Variants in GPR137C observed in about 807,000 individuals in gnomAD.
The protein encoded by GPR137C is G protein-coupled receptor 137C.
A neutral mutation model predicts 43.4 loss-of-function variants in GPR137C; 27 were observed. That is an observed-to-expected ratio of 0.62 (90% CI 0.46 to 0.86). The LOEUF is 0.86. Ranked by LOEUF, GPR137C falls within the 40% of genes least tolerant of loss-of-function variation. The pLI is 0.00. For missense variants in GPR137C, 522 were observed against 534.6 expected, an observed-to-expected ratio of 0.98 and a Z score of 0.23; for synonymous variants, 285 against 226.9, an observed-to-expected ratio of 1.26 and a Z score of -2.30.
intron 1 of GPR137C, among the ~76,000 whole-genome samples, chr14:52,589,530 C>A (rs2038755414): frequency 6.6e-6 from 1 of 152,122 alleles, no homozygotes; most frequent in African/African-American, 2.4e-5. Context: ...CTGTAATAAT[C>A]CACTGTGATA....
At chr14:52,623,741 C>T (rs1001326606) in intron 3 of GPR137C, among the ~76,000 whole-genome samples, 2 of 152,014 alleles carry the variant, frequency 1.3e-5, no homozygotes, top group African/African-American at 4.8e-5. Flanking sequence ...TTCCTCTCTT[C>T]ATTGAGTCAG....
At chr14:52,557,388 A>G (rs1397529638) in intron 1 of GPR137C, among the ~76,000 whole-genome samples, 2 of 152,220 alleles carry the variant, frequency 1.3e-5, no homozygotes, top group Non-Finnish European at 2.9e-5. Flanking sequence ...GAAACTTTTT[A>G]TATCATGGCA....
In GPR137C at chr14:52,637,324, C is replaced by T. The variant is rs1197963985; in HGVS notation, c.*2209C>T. On this transcript the variant is annotated 3_prime_UTR_variant, in exon 7 of 7. Coordinates refer to ENST00000321662, the MANE Select transcript of GPR137C (RefSeq NM_001099652.2). The stretch of plus-strand genomic sequence containing the variant: ...GTTGTTTATAAAATCAAAGGGCTAC[C>T]GATTCCCTGTTCATCCTGCACTGAA... The T allele has an allele frequency of 1.3e-5, 2 of 152,084 alleles. No homozygotes were observed. Among genetic ancestry groups the T allele is most frequent in the Admixed American group, 6.6e-5 (1 of 15,254 alleles). The allele number at this position is 152,084 out of a possible 1,614,324, so 9.4% of individuals were successfully genotyped here.
intron 1 of GPR137C, among the ~76,000 whole-genome samples, chr14:52,573,619 C>T (rs565928737): frequency 1.1e-3 from 167 of 152,164 alleles, no homozygotes; most frequent in African/African-American, 3.8e-3. Context: ...CCATAAAAAC[C>T]CAAGAAGAAA....
chr14:52,629,559 A>G (rs1453049891), intron 3 of GPR137C, among the ~76,000 whole-genome samples: 1 of 152,226 alleles, frequency 6.6e-6, no homozygotes, highest in East Asian at 1.9e-4. Flanking sequence ...TGAATCTCAG[A>G]AACATTCTGC....
intron 3 of GPR137C, among the ~76,000 whole-genome samples, chr14:52,606,750 T>A (rs1258348585): frequency 6.6e-6 from 1 of 152,218 alleles, no homozygotes; most frequent in Non-Finnish European, 1.5e-5. Context: ...AAACTTTTTG[T>A]TTTGTTCCTC....
chr14:52,629,893 C>T (rs542892069), intron 3 of GPR137C, among the ~76,000 whole-genome samples: 2 of 152,208 alleles, frequency 1.3e-5, no homozygotes, highest in African/African-American at 4.8e-5. Context: ...AGGTGTAACT[C>T]TTTTTCACTT....
chr14:52,557,589 C>CT, intron 1 of GPR137C, among the ~76,000 whole-genome samples: 1 of 152,290 alleles, frequency 6.6e-6, no homozygotes, highest in Non-Finnish European at 1.5e-5. Flanking sequence ...AATTTTTTCA[C>CT]TATCTTGATC....
intron 1 of GPR137C, among the ~76,000 whole-genome samples, chr14:52,571,348 G>T (rs141020706): frequency 4.9e-4 from 75 of 152,268 alleles, no homozygotes; most frequent in Non-Finnish European, 7.5e-4. Context: ...TGTTTAGAGG[G>T]AAATTTATAG....
chr14:52,613,581 C>T (rs2139555021), intron 3 of GPR137C: 1 of 174,134 alleles, frequency 5.7e-6, no homozygotes, highest in Non-Finnish European at 1.3e-5. Flanking sequence ...TTTTTAGCTC[C>T]AACAAATAAG....
intron 3 of GPR137C, 37 bp from the exon 4 acceptor site, chr14:52,632,123 G>A (rs748982811): frequency 1.3e-6 from 2 of 1,502,574 alleles, no homozygotes; most frequent in Non-Finnish European, 9.2e-7. Context: ...TGACAAATGT[G>A]TAGAATACTA....
intron 4 of GPR137C, among the ~76,000 whole-genome samples, chr14:52,632,616 C>A (rs1053496142): frequency 6.6e-6 from 1 of 151,984 alleles, no homozygotes; most frequent in African/African-American, 2.4e-5. Context: ...TTAAATATTT[C>A]TAGATAAATG....
At chr14:52,608,899 A>G (rs2039009800) in intron 3 of GPR137C, among the ~76,000 whole-genome samples, 1 of 152,124 alleles carries the variant, frequency 6.6e-6, no homozygotes, top group Admixed American at 6.6e-5. Context: ...TATATGTCTT[A>G]GAGTATCTTT....
chr14:52,636,902 GCTAA>G lies in GPR137C; in HGVS notation c.*1790_*1793del, dbSNP rs927541364. ...CAGTTGTTAGATTGCTTCTCAGAAT[GCTAA>G]CTGTTTATTTTGCTAATAATGTTAG... On this transcript the variant is annotated 3_prime_UTR_variant, in exon 7 of 7. Coordinates refer to ENST00000321662, the MANE Select transcript of GPR137C (RefSeq NM_001099652.2). 8.5e-5 allele frequency: 13 copies of G among 152,082 alleles called. No individual in the cohort carries two copies. Among genetic ancestry groups the G allele is most frequent in the East Asian group, 5.8e-4 (3 of 5,198 alleles). The allele number at this position is 152,082 out of a possible 1,614,324, so 9.4% of individuals were successfully genotyped here.
chr14:52,622,647 T>A (rs886419694), intron 3 of GPR137C, among the ~76,000 whole-genome samples: 1 of 151,726 alleles, frequency 6.6e-6, no homozygotes, highest in African/African-American at 2.4e-5. Context: ...TCTGCCAGAG[T>A]TGTCTGTCAG....
At position 52,553,317 on chromosome 14, in the gene GPR137C, A is replaced by G. The variant is rs1194542890; in HGVS notation, c.170A>G (p.Tyr57Cys). The G allele has an allele frequency of 3.8e-6, 6 of 1,584,202 alleles. No homozygotes were observed. Among genetic ancestry groups the G allele is most frequent in the Non-Finnish European group, 4.3e-6 (5 of 1,171,294 alleles). ...CTGAGCGTCCTGCACGCCCTGCTCT[A>G]CGCCGCGCTGTTCGCCTTTGCCTAC... ...LALSVLHALL[Y>C]AALFAFAYLQ... is the part of the protein sequence containing the mutation. The change falls in exon 1 of 7, where the codon TAC becomes TGC. Residue 57 changes from tyrosine to cysteine, a missense_variant. Physicochemically the swap from Tyr to Cys is radical, Grantham distance 194 (BLOSUM62 -2). Coordinates refer to ENST00000321662, the MANE Select transcript of GPR137C (RefSeq NM_001099652.2).
At chr14:52,610,320 G>A (rs2139547653) in intron 3 of GPR137C, among the ~76,000 whole-genome samples, 1 of 152,226 alleles carries the variant, frequency 6.6e-6, no homozygotes, top group East Asian at 1.9e-4. Context: ...CTAAAATAAT[G>A]CCTGGCATAT....
At chr14:52,557,752 G>A (rs918224376) in intron 1 of GPR137C, among the ~76,000 whole-genome samples, 20 of 152,210 alleles carry the variant, frequency 1.3e-4, no homozygotes, top group Non-Finnish European at 2.9e-5. Context: ...AGAAAGAGAT[G>A]TGATTTGTCC....
chr14:52,632,138 T>C (rs1360402524), intron 3 of GPR137C, 22 bp from the exon 4 acceptor site: 1 of 1,558,252 alleles, frequency 6.4e-7, no homozygotes, highest in Non-Finnish European at 8.8e-7. Flanking sequence ...ATACTAAAGA[T>C]GATGATTTTT....
Sources: gnomAD v4.1 joint callset for allele counts (sites outside exome capture counted in the v4.1 genomes callset) on GRCh38, gnomAD v4.1.1 for gene constraint, MANE v1.5 for transcripts, NCBI Gene and HGNC (gene_info 2026-07-23, HGNC 2026-07-21) for gene names.